The following SETD5 variants were observed in gnomAD, a reference collection of about 807,000 sequenced individuals.
The protein encoded by SETD5 is SET domain containing 5, also known as histone-lysine N-methyltransferase SETD5.
A neutral mutation model predicts 153.3 loss-of-function variants in SETD5; 44 were observed. That is an observed-to-expected ratio of 0.29 (90% CI 0.23 to 0.37). The LOEUF (loss-of-function observed/expected upper bound fraction) is 0.37. SETD5 is among the 10% of genes least tolerant of loss of function. The probability of loss-of-function intolerance (pLI) is 1.00; values close to 1 mark genes in which losing one functional copy is unlikely to be tolerated. For synonymous variants in SETD5, 716 were observed against 645.2 expected (o/e 1.11, Z -1.66); for missense variants, 1,544 against 1,768.0 (o/e 0.87, Z 2.27).
intron 18 of SETD5, among the ~76,000 whole-genome samples, chr3:9,465,865 C>G (rs1427810888): frequency 6.6e-6 from 1 of 152,168 alleles, no homozygotes; most frequent in Admixed American, 6.5e-5. Context: ...TTGCAATTGA[C>G]TTTGCAGTTT....
intron 1 of SETD5, among the ~76,000 whole-genome samples, chr3:9,400,902 G>A (rs537267954): frequency 2.0e-5 from 3 of 152,272 alleles, no homozygotes; most frequent in South Asian, 4.1e-4. Context: ...AAACTTGAAG[G>A]AGAACCACCA....
intron 1 of SETD5, among the ~76,000 whole-genome samples, chr3:9,411,018 A>G (rs1466079008): frequency 1.3e-5 from 2 of 151,872 alleles, no homozygotes; most frequent in African/African-American, 4.8e-5. Flanking sequence ...CCTCCCAAGT[A>G]GCTGGGACTA....
rs1559399796 is a variant in SETD5, at chr3:9,434,205, A to G, written c.178-129A>G. 1 of 1,548,956 alleles carries G rather than the reference A, an allele frequency of 6.5e-7. No individual in the cohort carries two copies. Among genetic ancestry groups the G allele is most frequent in the Admixed American group, 1.9e-5 (1 of 51,588 alleles). On this transcript the variant is annotated intron_variant, in intron 4 of 22. Transcript: ENST00000402198. This position sits in a 1 kb window ranked among gnomAD's most constrained non-coding sequence, Gnocchi z 5.6. ...GGGTACTACTTTCTTCTTTCTTTCC[A>G]TATGTACCATACTTTAGGGGAGAGA...
intron 7 of SETD5, among the ~76,000 whole-genome samples, chr3:9,438,172 A>AG (rs1471537228): frequency 6.6e-6 from 1 of 152,182 alleles, no homozygotes; most frequent in African/African-American, 2.4e-5. Flanking sequence ...AAGAGTTGGG[A>AG]GAGGACTCAG....
chr3:9,455,168 C>CTTTTTTTTTTTTTTTTTTTTT (rs903600741), intron 17 of SETD5, among the ~76,000 whole-genome samples: 71 of 99,892 alleles, frequency 7.1e-4, no homozygotes, highest in Non-Finnish European at 1.0e-3. Context: ...TTCTTTTTTT[C>CTTTTTTTTTTTTTTTTTTTTT]TTTTTTTTTT....
At chr3:9,450,699 G>A (rs1291215239) in intron 16 of SETD5, among the ~76,000 whole-genome samples, 1 of 152,054 alleles carries the variant, frequency 6.6e-6, no homozygotes, top group African/African-American at 2.4e-5. Context: ...AAGTTAATCA[G>A]ATAGATAAGA....
chr3:9,472,481 G>T (rs1037787240), intron 19 of SETD5, among the ~76,000 whole-genome samples: 2 of 151,912 alleles, frequency 1.3e-5, no homozygotes, highest in Non-Finnish European at 1.5e-5. Flanking sequence ...AGATGAAGGG[G>T]AAGTTAGGGA....
intron 1 of SETD5, among the ~76,000 whole-genome samples, chr3:9,413,964 G>T (rs1439770783): frequency 6.6e-6 from 1 of 152,042 alleles, no homozygotes; most frequent in Non-Finnish European, 1.5e-5. Context: ...TTTTAGTAGA[G>T]ATGGGGTTTC....
intron 17 of SETD5, among the ~76,000 whole-genome samples, chr3:9,459,593 AC>A (rs905949176): frequency 1.3e-5 from 2 of 150,712 alleles, no homozygotes; most frequent in African/African-American, 2.4e-5. Context: ...ACACGGCGAA[AC>A]CCCGTCTCTA....
At position 9,452,018 on chromosome 3, in the gene SETD5, T is replaced by A. The variant is rs552887708; in HGVS notation, c.2347-1721T>A. Reference sequence around the variant, plus strand: ...CAAACAAATGTCCATGTTCCTTTTTTATATGAGTCCTGAAATATTGTAAAA... The same window carrying A: ...CAAACAAATGTCCATGTTCCTTTTTAATATGAGTCCTGAAATATTGTAAAA... On this transcript the variant is annotated intron_variant, in intron 16 of 22. Coordinates refer to ENST00000402198, the MANE Select transcript of SETD5 (RefSeq NM_001080517.3). 2.6e-5 allele frequency among the ~76,000 whole-genome samples: 4 copies of A among 152,328 alleles called. No individual in the cohort carries two copies. The South Asian group carries it at 8.3e-4, about 32-fold the overall frequency.
At chr3:9,417,542 G>A (rs930601060) in intron 1 of SETD5, among the ~76,000 whole-genome samples, 5 of 150,014 alleles carry the variant, frequency 3.3e-5, no homozygotes, top group African/African-American at 9.9e-5. Context: ...CTGGAGTGCA[G>A]TGGCGTGATC....
At chr3:9,456,057 T>C (rs917777399) in intron 17 of SETD5, among the ~76,000 whole-genome samples, 3 of 152,138 alleles carry the variant, frequency 2.0e-5, no homozygotes, top group Non-Finnish European at 2.9e-5. Flanking sequence ...TTGGCTCTCT[T>C]TTGTTTTTTT....
chr3:9,400,035 A>T (rs56324368), intron 1 of SETD5, among the ~76,000 whole-genome samples: 9,459 of 152,316 alleles, frequency 0.062, 379 homozygotes, highest in Middle Eastern at 0.12. Context: ...TGCTGGCTGC[A>T]GGGAGCAGCA....
At chr3:9,429,724 CT>C in intron 3 of SETD5, 1 of 704,234 alleles carries the variant, frequency 1.4e-6, no homozygotes, top group South Asian at 2.4e-5. Context: ...AATTTTTAGT[CT>C]TTTGTATCCC....
At chr3:9,451,726 AC>A (rs1237014897) in intron 16 of SETD5, among the ~76,000 whole-genome samples, 1 of 152,154 alleles carries the variant, frequency 6.6e-6, no homozygotes, top group African/African-American at 2.4e-5. Flanking sequence ...GATTACAGAT[AC>A]GAGCTACTGA....
chr3:9,430,870 C>G (rs1327817449), intron 3 of SETD5: 2 of 985,268 alleles, frequency 2.0e-6, no homozygotes, highest in Admixed American at 1.2e-4. Flanking sequence ...CCAACATATC[C>G]TAGGATTTCC....
At chr3:9,448,769 G>A (rs1381423085) in intron 16 of SETD5, 139 bp downstream of exon 16, 1 of 815,798 alleles carries the variant, frequency 1.2e-6, no homozygotes, top group Non-Finnish European at 1.8e-6. Context: ...TAATGAGTTA[G>A]TTGTTCAGCC....
At chr3:9,415,952 G>A (rs941796244) in intron 1 of SETD5, among the ~76,000 whole-genome samples, 2 of 150,154 alleles carry the variant, frequency 1.3e-5, no homozygotes, top group Non-Finnish European at 3.0e-5. Flanking sequence ...TCAGTTCACT[G>A]CAAGCCACCC....
At chr3:9,452,066 G>A (rs1231695611) in intron 16 of SETD5, among the ~76,000 whole-genome samples, 1 of 152,170 alleles carries the variant, frequency 6.6e-6, no homozygotes, top group Non-Finnish European at 1.5e-5. Flanking sequence ...ACCTGGAGGA[G>A]TAGGTTTGAT....
Sources: allele counts gnomAD v4.1 joint callset (sites outside exome capture counted in the v4.1 genomes callset), GRCh38; gene constraint gnomAD v4.1.1; non-coding constraint Gnocchi (gnomAD v3.1); transcripts MANE v1.5; gene names NCBI Gene and HGNC (gene_info 2026-07-23, HGNC 2026-07-21).